The following SPATA16 variants were observed in gnomAD, a reference collection of about 807,000 sequenced individuals.
The protein encoded by SPATA16 is spermatogenesis associated 16, also known as spermatogenesis-associated protein 16.
In SPATA16, 36 loss-of-function variants were observed where a neutral mutation model predicts 63.3. The observed-to-expected ratio is 0.57, with a 90% CI of 0.44 to 0.75. The LOEUF (loss-of-function observed/expected upper bound fraction) is 0.75. SPATA16 is among the 30% of genes least tolerant of loss of function. The pLI, the probability that SPATA16 is intolerant of heterozygous loss-of-function variation, is 0.00. For synonymous variants in SPATA16, 203 were observed against 216.7 expected (o/e 0.94, Z 0.56); for missense variants, 646 against 679.3 (o/e 0.95, Z 0.54).
At chr3:172,905,524 A>G (rs1732214432) in intron 10 of SPATA16, among the ~76,000 whole-genome samples, 1 of 152,158 alleles carries the variant, frequency 6.6e-6, no homozygotes. Flanking sequence ...CCCCTGCCTC[A>G]TTTCCCAAAT....
chr3:173,091,872 G>A (rs554104088), intron 2 of SPATA16, among the ~76,000 whole-genome samples: 12 of 152,214 alleles, frequency 7.9e-5, no homozygotes, highest in African/African-American at 2.9e-4. Flanking sequence ...GCTTTTGCAT[G>A]TCTTGTCAAC....
chr3:172,942,892 C>A (rs78663417), intron 6 of SPATA16, among the ~76,000 whole-genome samples: 13,342 of 152,064 alleles, frequency 0.088, 1,948 homozygotes, highest in African/African-American at 0.3. Context: ...CTAAACGTTT[C>A]TATACATTCA....
chr3:172,965,196 C>A (rs1733886659), intron 5 of SPATA16, among the ~76,000 whole-genome samples: 1 of 152,170 alleles, frequency 6.6e-6, no homozygotes, highest in Admixed American at 6.5e-5. Flanking sequence ...AGAGCTTCTA[C>A]AACATGGTGA....
rs752555567 is a variant in SPATA16 at position 172,924,267 on chromosome 3, C to T, written c.1279G>A (p.Glu427Lys). 1 of 1,613,510 alleles carries T rather than the reference C, an allele frequency of 6.2e-7. No homozygotes were observed. Among genetic ancestry groups the T allele is most frequent in the Non-Finnish European group, 8.5e-7 (1 of 1,179,706 alleles). ...LTREDTVRQM[E>K]TMGKRILPIL... ...GGCAAGATTCGCTTCCCCATTGTCT[C>T]CATTTGCCTCACTGTATCTTCTCTG... The change falls in exon 8 of 11, where the codon GAG becomes AAG. Residue 427 changes from glutamate (E) to lysine (K), a missense_variant. Coordinates refer to ENST00000351008, the MANE Select transcript of SPATA16 (RefSeq NM_031955.6).
intron 5 of SPATA16, among the ~76,000 whole-genome samples, chr3:172,969,878 C>G (rs965147671): frequency 1.3e-5 from 2 of 152,148 alleles, no homozygotes; most frequent in African/African-American, 4.8e-5. Flanking sequence ...TTGGCTTTCT[C>G]TCTTGGAATC....
At chr3:173,000,938 G>A (rs916931881) in intron 4 of SPATA16, among the ~76,000 whole-genome samples, 1 of 151,854 alleles carries the variant, frequency 6.6e-6, no homozygotes, top group Non-Finnish European at 1.5e-5. Flanking sequence ...CCTGCATGTT[G>A]TCTCCTTTTC....
chr3:173,053,192 C>T (rs1376503412), intron 2 of SPATA16, among the ~76,000 whole-genome samples: 1 of 152,118 alleles, frequency 6.6e-6, no homozygotes, highest in Non-Finnish European at 1.5e-5. Context: ...CCCGTCTGTA[C>T]TAAAAATACA....
chr3:172,986,622 C>A (rs1013916844), intron 4 of SPATA16, among the ~76,000 whole-genome samples: 1 of 151,986 alleles, frequency 6.6e-6, no homozygotes, highest in Non-Finnish European at 1.5e-5. Flanking sequence ...AGGTTAGAAG[C>A]AGGAGGAAGA....
intron 3 of SPATA16, among the ~76,000 whole-genome samples, chr3:173,019,969 T>C (rs1735284527): frequency 6.6e-6 from 1 of 150,804 alleles, no homozygotes; most frequent in Non-Finnish European, 1.5e-5. Flanking sequence ...AAGAAAGAGA[T>C]TGTTAGTTGC....
chr3:173,140,329 A>G (rs1393737063), intron 1 of SPATA16, among the ~76,000 whole-genome samples: 1 of 152,146 alleles, frequency 6.6e-6, no homozygotes, highest in Non-Finnish European at 1.5e-5. Context: ...AGAGAACTTT[A>G]CTGATATCTA....
intron 4 of SPATA16, among the ~76,000 whole-genome samples, chr3:172,990,401 T>C: frequency 6.6e-6 from 1 of 152,350 alleles, no homozygotes; most frequent in Non-Finnish European, 1.5e-5. Context: ...ACATTTTCAC[T>C]GATTACATTA....
chr3:173,007,217 T>A (rs2108269220), intron 4 of SPATA16, among the ~76,000 whole-genome samples: 1 of 152,192 alleles, frequency 6.6e-6, no homozygotes, highest in East Asian at 1.9e-4. Flanking sequence ...GGCTTATGAG[T>A]GAACCAGAGG....
chr3:172,963,588 T>C (rs1359516417), intron 5 of SPATA16, among the ~76,000 whole-genome samples: 1 of 152,116 alleles, frequency 6.6e-6, no homozygotes, highest in African/African-American at 2.4e-5. Context: ...CCATTCAGTA[T>C]GTTTAGGGTT....
At chr3:172,952,382 G>A (rs1414046721) in intron 6 of SPATA16, among the ~76,000 whole-genome samples, 2 of 152,064 alleles carry the variant, frequency 1.3e-5, no homozygotes, top group African/African-American at 4.8e-5. Context: ...TGTTCATGTG[G>A]GTATTCAGAG....
intron 1 of SPATA16, among the ~76,000 whole-genome samples, chr3:173,133,392 G>C (rs1738437983): frequency 6.6e-6 from 1 of 152,148 alleles, no homozygotes; most frequent in African/African-American, 2.4e-5. Flanking sequence ...CAATGTGGTG[G>C]TGGCCCGCAC....
At chr3:172,940,409 G>A (rs1215243351) in intron 6 of SPATA16, among the ~76,000 whole-genome samples, 25 of 152,182 alleles carry the variant, frequency 1.6e-4, no homozygotes, top group Admixed American at 1.6e-3. Flanking sequence ...TGGGAGAATT[G>A]ATTGGTTTTT....
At chr3:173,104,173 A>G (rs1026507908) in intron 2 of SPATA16, among the ~76,000 whole-genome samples, 2 of 152,186 alleles carry the variant, frequency 1.3e-5, no homozygotes, top group Non-Finnish European at 2.9e-5. Flanking sequence ...CCATATCACT[A>G]TTAACATTTT....
At chr3:173,071,605 T>C (rs902566711) in intron 2 of SPATA16, among the ~76,000 whole-genome samples, 1 of 151,980 alleles carries the variant, frequency 6.6e-6, no homozygotes, top group Non-Finnish European at 1.5e-5. Context: ...ATCAAAAAAC[T>C]TGATAGGAAG....
chr3:172,952,671 G>A (rs1733466517), intron 6 of SPATA16, among the ~76,000 whole-genome samples: 1 of 152,188 alleles, frequency 6.6e-6, no homozygotes, highest in Admixed American at 6.5e-5. Flanking sequence ...GCCGGGTGCA[G>A]TGGCTCACGC....
Sources: allele counts gnomAD v4.1 joint callset (sites outside exome capture counted in the v4.1 genomes callset), GRCh38; gene constraint gnomAD v4.1.1; transcripts MANE v1.5; gene names NCBI Gene and HGNC (gene_info 2026-07-23, HGNC 2026-07-21).